The following ATRNL1 variants were observed in gnomAD, a reference collection of about 807,000 sequenced individuals.
ATRNL1 encodes the protein attractin-like protein 1.
In ATRNL1, 95 loss-of-function variants were observed where a neutral mutation model predicts 182.7. The ratio of observed to expected loss-of-function variants is 0.52; its 90% CI spans 0.44 to 0.62. ATRNL1 has a LOEUF of 0.62. Ranked by LOEUF, ATRNL1 falls within the 20% of genes least tolerant of loss-of-function variation. The pLI is 0.00. For synonymous variants in ATRNL1, 576 were observed against 568.3 expected, an observed-to-expected ratio of 1.01 and a Z score of -0.19; for missense variants, 1,471 against 1,679.5, an observed-to-expected ratio of 0.88 and a Z score of 2.17.
intron 28 of ATRNL1, among the ~76,000 whole-genome samples, chr10:115,910,770 G>A (rs1264004424): frequency 6.6e-6 from 1 of 152,122 alleles, no homozygotes; most frequent in Admixed American, 6.5e-5. Flanking sequence ...CCATAGCAGG[G>A]ACAGGGGCAC....
Position 115,459,507 on chromosome 10 carries a change from T to G in ATRNL1, c.3323-2434T>G, listed in dbSNP as rs1847690945. 2.0e-5 allele frequency among the ~76,000 whole-genome samples: 3 copies of G among 152,198 alleles called. No individual in the cohort carries two copies. In the South Asian group the frequency reaches 6.2e-4, roughly 32 times the overall value. On this transcript the variant is annotated intron_variant, in intron 21 of 28. Coordinates refer to ENST00000355044, the MANE Select transcript of ATRNL1 (RefSeq NM_207303.4). ...TGCAGAGGTGAAATAAACTCCAGTC[T>G]CCCATAGCGCTCCCAGGCTTATTAG...
chr10:115,261,302 T>C (rs1285191478), intron 10 of ATRNL1, among the ~76,000 whole-genome samples: 2 of 152,190 alleles, frequency 1.3e-5, no homozygotes, highest in Admixed American at 6.5e-5. Flanking sequence ...CTCAAAAATA[T>C]ACCTCCAATG....
intron 27 of ATRNL1, among the ~76,000 whole-genome samples, chr10:115,789,711 G>A (rs1555081219): frequency 1.3e-5 from 2 of 152,114 alleles, no homozygotes; most frequent in East Asian, 3.9e-4. Flanking sequence ...CTCCTGCCTA[G>A]TCTTAGTCAT....
intron 26 of ATRNL1, among the ~76,000 whole-genome samples, chr10:115,718,608 C>A (rs1555056932): frequency 1.3e-5 from 2 of 152,266 alleles, no homozygotes; most frequent in East Asian, 3.9e-4. Context: ...TGCATTATTT[C>A]TTTTATCCTG....
intron 5 of ATRNL1, among the ~76,000 whole-genome samples, chr10:115,151,671 G>A (rs1313938): frequency 0.22 from 33,016 of 151,950 alleles, 4,602 homozygotes; most frequent in Non-Finnish European, 0.31. Context: ...TGTAGGTTGC[G>A]TGTTCACTTT....
At position 115,204,401 on chromosome 10, in the gene ATRNL1, A is replaced by G. The variant is rs147187016; in HGVS notation, c.1349-11296A>G. 6.9e-3 allele frequency among the ~76,000 whole-genome samples: 1,048 copies of G among 152,204 alleles called. 12 individuals carry two copies. The highest frequency in any genetic ancestry group is 0.022 in the African/African-American group (912 of 41,534). ...GAGGAAAAGCCTTCAACTTTTCACC[A>G]CTGTAGTGTTGGATGTGGACTTGTC... is the stretch of plus-strand genomic sequence containing the variant. On this transcript the variant is annotated intron_variant, in intron 8 of 28. Coordinates refer to ENST00000355044, the MANE Select transcript of ATRNL1 (RefSeq NM_207303.4).
intron 18 of ATRNL1, among the ~76,000 whole-genome samples, chr10:115,332,516 T>G (rs781949847): frequency 1.4e-4 from 22 of 152,224 alleles, no homozygotes; most frequent in Non-Finnish European, 2.8e-4. Flanking sequence ...GTCATGAACA[T>G]TATTCCTTGC....
At chr10:115,128,317 A>G (rs1392294644) in intron 4 of ATRNL1, 2 of 158,620 alleles carry the variant, frequency 1.3e-5, no homozygotes, top group Non-Finnish European at 2.7e-5. Flanking sequence ...ACATTTTTAT[A>G]TCTAGAAGAC....
intron 26 of ATRNL1, among the ~76,000 whole-genome samples, chr10:115,661,928 CT>C (rs1860717621): frequency 2.1e-5 from 3 of 143,572 alleles, no homozygotes; most frequent in Admixed American, 1.4e-4. Flanking sequence ...CCCCTCCCCC[CT>C]CCTCCCACCC....
intron 24 of ATRNL1, among the ~76,000 whole-genome samples, chr10:115,513,746 C>G (rs1850504619): frequency 6.6e-6 from 1 of 151,610 alleles, no homozygotes; most frequent in Admixed American, 6.6e-5. Context: ...CAGTATTTTC[C>G]ATAGGCAATT....
chr10:115,696,850 A>G (rs953875178), intron 26 of ATRNL1, among the ~76,000 whole-genome samples: 1 of 151,302 alleles, frequency 6.6e-6, no homozygotes, highest in Admixed American at 6.6e-5. Flanking sequence ...GGAAGCAGGT[A>G]CAGTCATCAC....
At chr10:115,224,168 C>G (rs1849605214) in intron 9 of ATRNL1, among the ~76,000 whole-genome samples, 1 of 151,284 alleles carries the variant, frequency 6.6e-6, no homozygotes, top group Non-Finnish European at 1.5e-5. Context: ...ATCTCTTGAC[C>G]TCGTGATCTG....
intron 26 of ATRNL1, among the ~76,000 whole-genome samples, chr10:115,630,430 G>A (rs2133828004): frequency 6.6e-6 from 1 of 151,910 alleles, no homozygotes; most frequent in East Asian, 1.9e-4. Flanking sequence ...AACAGGTACA[G>A]CTATTATAGA....
intron 5 of ATRNL1, among the ~76,000 whole-genome samples, chr10:115,150,558 T>G (rs1478995130): frequency 2.0e-5 from 3 of 152,110 alleles, no homozygotes; most frequent in African/African-American, 7.2e-5. Context: ...TCAAAAAGTT[T>G]TTTTATTTTC....
chr10:115,754,305 G>A (rs1948527304), intron 27 of ATRNL1, among the ~76,000 whole-genome samples: 1 of 152,122 alleles, frequency 6.6e-6, no homozygotes, highest in Non-Finnish European at 1.5e-5. Context: ...TGTGGTTTTA[G>A]GTCTAACATT....
intron 9 of ATRNL1, among the ~76,000 whole-genome samples, chr10:115,221,818 T>C (rs536197709): frequency 1.3e-5 from 2 of 152,264 alleles, no homozygotes; most frequent in South Asian, 4.1e-4. Context: ...TCATAATCTT[T>C]TATTAGATTA....
chr10:115,715,858 C>A (rs1947233013), intron 26 of ATRNL1, among the ~76,000 whole-genome samples: 1 of 152,194 alleles, frequency 6.6e-6, no homozygotes, highest in Admixed American at 6.5e-5. Flanking sequence ...CACAGCACTT[C>A]TGAGCCTGCT....
chr10:115,285,470 C>G (rs916950237), intron 14 of ATRNL1, among the ~76,000 whole-genome samples: 3 of 152,010 alleles, frequency 2.0e-5, no homozygotes, highest in African/African-American at 4.8e-5. Context: ...CTTTATAGAT[C>G]AGTATATCAA....
At chr10:115,329,766 C>T (rs1554934473) in intron 18 of ATRNL1, among the ~76,000 whole-genome samples, 1 of 152,108 alleles carries the variant, frequency 6.6e-6, no homozygotes, top group Non-Finnish European at 1.5e-5. Flanking sequence ...TATGCACATT[C>T]TTAAAGGTGA....
Sources: gnomAD v4.1 joint callset for allele counts (sites outside exome capture counted in the v4.1 genomes callset) on GRCh38, gnomAD v4.1.1 for gene constraint, MANE v1.5 for transcripts, NCBI Gene and HGNC (gene_info 2026-07-23, HGNC 2026-07-21) for gene names.